The following DNHD1 variants were observed in gnomAD, a reference collection of about 807,000 sequenced individuals.
DNHD1 encodes dynein heavy chain domain 1.
In DNHD1, 383 loss-of-function variants were observed where a neutral mutation model predicts 458.1. That is an observed-to-expected ratio of 0.84 (90% CI 0.77 to 0.91). The LOEUF (loss-of-function observed/expected upper bound fraction) is 0.91, where lower values mean the gene tolerates loss of function less well. DNHD1 is among the 40% of genes least tolerant of loss of function. The pLI is 0.00. For synonymous variants in DNHD1, 2,203 were observed against 2,376.9 expected (o/e 0.93, Z 2.13); for missense variants, 5,336 against 5,866.1 (o/e 0.91, Z 2.95).
rs762495986 is a variant in DNHD1, at chr11:6,498,480, G to C, written c.265G>C (p.Gly89Arg). The change falls in exon 3 of 43, where the codon GGT (glycine) becomes CGT (arginine). Residue 89 changes from glycine (G) to arginine (R), a missense_variant. By Grantham distance (125) the Gly-to-Arg change is moderately radical (BLOSUM62 -2). Coordinates refer to ENST00000254579, the MANE Select transcript of DNHD1 (RefSeq NM_144666.3). ...AAWRYLHAVL[G>R]LLPPYRELLV... ...TTGGCGCTATCTTCATGCAGTACTGGGTCTACTGCCTCCATATCGTGAGTT... is the reference window on the plus strand; with the variant it reads ...TTGGCGCTATCTTCATGCAGTACTGCGTCTACTGCCTCCATATCGTGAGTT... 1 of 1,614,152 alleles carries C rather than the reference G, an allele frequency of 6.2e-7. No homozygotes were observed. Among genetic ancestry groups the C allele is most frequent in the South Asian group, 1.1e-5 (1 of 91,084 alleles).
At chr11:6,510,627 A>G (rs2134378122) in intron 6 of DNHD1, among the ~76,000 whole-genome samples, 1 of 152,224 alleles carries the variant, frequency 6.6e-6, no homozygotes, top group East Asian at 1.9e-4. Context: ...TGATCTTCAA[A>G]CTCGGATAAA....
chr11:6,533,732 G>C lies in DNHD1; in HGVS notation c.2557G>C (p.Val853Leu). ...YVELEERMEY[V>L]RALHELIRNH... is the part of the protein sequence containing the mutation. ...CGAGCTGGAGGAGCGAATGGAATAC[G>C]TACGGGCACTCCACGAACTCATCCG... Residue 853 changes from valine to leucine, a missense_variant, in exon 14 of 43, where the codon GTA becomes CTA. Coordinates refer to ENST00000254579, the MANE Select transcript of DNHD1 (RefSeq NM_144666.3). 6.4e-7 allele frequency: 1 copy of C among 1,551,502 alleles called. No homozygotes were observed. The highest frequency in any genetic ancestry group is 8.7e-7 in the Non-Finnish European group (1 of 1,146,938).
intron 39 of DNHD1, among the ~76,000 whole-genome samples, chr11:6,569,317 A>G (rs148362385): frequency 0.015 from 2,315 of 152,266 alleles, 71 homozygotes; most frequent in African/African-American, 0.053. Flanking sequence ...CCCCATCTGT[A>G]CTAAAAATAC....
At chr11:6,544,069 C>T (rs1449675527) in intron 18 of DNHD1, 52 bp from the exon 19 acceptor site, 4 of 1,547,656 alleles carry the variant, frequency 2.6e-6, no homozygotes, top group Admixed American at 2.0e-5. Context: ...TTCTCTCCCC[C>T]AGCCCCGGCC....
intron 24 of DNHD1, among the ~76,000 whole-genome samples, chr11:6,549,625 C>T (rs1853294309): frequency 6.6e-6 from 1 of 152,194 alleles, no homozygotes; most frequent in African/African-American, 2.4e-5. Context: ...GTAGCTTCTC[C>T]AGGAAGCCTG....
rs1463618874 is a variant in DNHD1, at chr11:6,539,251, C to T, written c.3358C>T (p.Leu1120Phe). 6.4e-7 allele frequency: 1 copy of T among 1,551,522 alleles called. No individual in the cohort carries two copies. Among genetic ancestry groups the T allele is most frequent in the African/African-American group, 1.4e-5 (1 of 73,042 alleles). The change falls in exon 17 of 43, where the codon CTC becomes TTC. Residue 1120 changes from leucine to phenylalanine, a missense_variant. Physicochemically the swap from Leu to Phe is conservative, Grantham distance 22. Coordinates refer to ENST00000254579, the MANE Select transcript of DNHD1 (RefSeq NM_144666.3). ...GCTGGGCAGTCTCCAAACTATAGAA[C>T]TCCTAACGCTGGGCCAGCTGCTTAC... is the stretch of plus-strand genomic sequence containing the variant. ...LGLGSLQTIE[L>F]LTLGQLLTYP... is the part of the protein sequence containing the mutation.
rs993971187 is a variant in DNHD1, at chr11:6,546,023, C to T, written c.5084C>T (p.Ala1695Val). 1.3e-6 allele frequency: 2 copies of T among 1,551,516 alleles called. No homozygotes were observed. The highest frequency in any genetic ancestry group is 1.4e-5 in the African/African-American group (1 of 73,184). ...VLGPNGVGKR[A>V]IVNSLAQALG... ...GGTCCTAATGGTGTGGGCAAGAGAG[C>T]TATAGTGAACAGCCTGGCACAGGCC... is the stretch of plus-strand genomic sequence containing the variant. Residue 1695 changes from alanine to valine, a missense_variant, in exon 21 of 43, where the codon GCT (alanine) becomes GTT (valine). This residue lies in a region of DNHD1 where 3,932 missense variants were observed against 4,365.6 expected (regional missense o/e 0.90). Transcript: ENST00000254579.
Position 6,498,312 on chromosome 11 carries a change from G to C in DNHD1, c.97G>C (p.Glu33Gln). The C allele has an allele frequency of 6.2e-7, 1 of 1,614,236 alleles. No individual in the cohort carries two copies. The highest frequency in any genetic ancestry group is 8.5e-7 in the Non-Finnish European group (1 of 1,180,042). The change falls in exon 3 of 43, where the codon GAA (glutamate) becomes CAA (glutamine). Residue 33 changes from glutamate (E) to glutamine (Q), a missense_variant. Coordinates refer to ENST00000254579, the MANE Select transcript of DNHD1 (RefSeq NM_144666.3). ...WHSICVLDSKEQPLACQQKQR... is the reference protein window; with the variant it reads ...WHSICVLDSKQQPLACQQKQR... ...CTCCATATGTGTCTTGGACAGCAAA[G>C]AACAGCCCTTGGCCTGCCAGCAGAA... is the stretch of plus-strand genomic sequence containing the variant.
At position 6,528,978 on chromosome 11, in the gene DNHD1, TGA is replaced by T. The variant is rs2134406820; in HGVS notation, c.2208_2209del (p.Gly737TrpfsTer37). 2 of 1,551,530 alleles carry T rather than the reference TGA, an allele frequency of 1.3e-6. No homozygotes were observed. The highest frequency in any genetic ancestry group is 1.7e-6 in the Non-Finnish European group (2 of 1,146,896). ...TGGGGGCCTCAGAAGCTGGAAGACATGAGAGGTGGTCCCATCAAGAACTACGT... is the reference window on the plus strand; with the variant it reads ...TGGGGGCCTCAGAAGCTGGAAGACATGAGGTGGTCCCATCAAGAACTACGT... On this transcript the variant is annotated frameshift_variant, in exon 12 of 43. Transcript: ENST00000254579. LOFTEE classifies it high-confidence loss of function.
At position 6,498,427 on chromosome 11, in the gene DNHD1, CT is replaced by C; in HGVS notation, c.213del (p.Val72CysfsTer27). On this transcript the variant is annotated frameshift_variant, in exon 3 of 43. Transcript: ENST00000254579. LOFTEE classifies it high-confidence loss of function. ...LLAELRTLFS[A>X]VLQDSSPAAW... The stretch of plus-strand genomic sequence containing the variant: ...GCTGAGCTCCGAACTCTGTTCTCAG[CT>C]GTGTTGCAGGACAGTAGCCCTGCAG... 1.9e-6 allele frequency: 3 copies of C among 1,614,222 alleles called. No homozygotes were observed. The highest frequency in any genetic ancestry group is 1.6e-4 in the Middle Eastern group (1 of 6,062).
Position 6,567,015 on chromosome 11 carries a change from T to C in DNHD1, c.11506T>C (p.Leu3836=). 1 of 1,613,668 alleles carries C rather than the reference T, an allele frequency of 6.2e-7. No homozygotes were observed. Among genetic ancestry groups the C allele is most frequent in the Non-Finnish European group, 8.5e-7 (1 of 1,179,810 alleles). The change falls in exon 36 of 43, where the codon TTA becomes CTA. Residue 3836 remains leucine (L), a synonymous_variant. Transcript: ENST00000254579. ...CCAGCTGCGTGCTCATTGTGAAGAG[T>C]TAGAAGGGCAGAAACTACAGGAGAT... The part of the protein sequence containing the change: ...LCQLRAHCEE[L]EGQKLQEMVL...
At chr11:6,513,578 T>C (rs1852390554) in intron 7 of DNHD1, among the ~76,000 whole-genome samples, 2 of 152,260 alleles carry the variant, frequency 1.3e-5, no homozygotes, top group Admixed American at 6.5e-5. Context: ...AGTATTTCAC[T>C]GTATGAATGA....
At chr11:6,539,763 T>C (rs2134420880) in intron 17 of DNHD1, 113 bp from the exon 18 acceptor site, 1 of 975,674 alleles carries the variant, frequency 1.0e-6, no homozygotes, top group Non-Finnish European at 1.6e-6. Context: ...GACCTCCACT[T>C]TCCTGAGCCC....
intron 7 of DNHD1, among the ~76,000 whole-genome samples, chr11:6,513,629 G>A (rs1332250812): frequency 1.3e-5 from 2 of 152,194 alleles, no homozygotes; most frequent in Non-Finnish European, 1.5e-5. Flanking sequence ...GGACATTTGG[G>A]TTGGTTCCAG....
At chr11:6,566,051 A>G (rs779467133) in intron 33 of DNHD1, 60 bp downstream of exon 33, 3 of 1,270,882 alleles carry the variant, frequency 2.4e-6, no homozygotes, top group East Asian at 4.8e-5. Flanking sequence ...CTGTGACCCC[A>G]CAGGCCTCCC....
intron 6 of DNHD1, among the ~76,000 whole-genome samples, chr11:6,509,677 G>A (rs191245915): frequency 3.9e-5 from 6 of 152,200 alleles, no homozygotes; most frequent in Non-Finnish European, 8.8e-5. Flanking sequence ...CAAACTCTGT[G>A]TTCTTTCCAA....
chr11:6,566,590 T>C lies in DNHD1; in HGVS notation c.11210T>C (p.Leu3737Pro). The change falls in exon 35 of 43, where the codon CTA becomes CCA. Residue 3737 changes from leucine (L) to proline (P), a missense_variant. Coordinates refer to ENST00000254579, the MANE Select transcript of DNHD1 (RefSeq NM_144666.3). ...TLSLCAMEKV[L>P]GCELLKGLNV... ...GCATCTCCCATGTTACCCCAAGTGC[T>C]AGGTTGTGAACTGCTAAAGGGGCTG... The C allele has an allele frequency of 6.2e-7, 1 of 1,613,674 alleles. No homozygotes were observed. The highest frequency in any genetic ancestry group is 8.5e-7 in the Non-Finnish European group (1 of 1,179,796).
At chr11:6,513,126 C>T (rs1852380649) in intron 7 of DNHD1, among the ~76,000 whole-genome samples, 1 of 152,092 alleles carries the variant, frequency 6.6e-6, no homozygotes. Flanking sequence ...TGAGCTGCTC[C>T]ACAGCCTTTC....
At position 6,545,716 on chromosome 11, in the gene DNHD1, G is replaced by A; in HGVS notation, c.4777G>A (p.Val1593Ile). 6.4e-7 allele frequency: 1 copy of A among 1,551,712 alleles called. No individual in the cohort carries two copies. The highest frequency in any genetic ancestry group is 8.7e-7 in the Non-Finnish European group (1 of 1,147,008). Residue 1593 changes from valine (V) to isoleucine (I), a missense_variant, in exon 21 of 43, where the codon GTC (valine) becomes ATC (isoleucine). This residue lies in a region of DNHD1 where 3,932 missense variants were observed against 4,365.6 expected (regional missense o/e 0.90). Coordinates refer to ENST00000254579, the MANE Select transcript of DNHD1 (RefSeq NM_144666.3). This position sits in a 1 kb window ranked among gnomAD's most constrained non-coding sequence, Gnocchi z 4.9. ...DIAQLLEQHQ[V>I]SDLTDFHWVR... is the part of the protein sequence containing the mutation. Reference sequence around the variant, plus strand: ...AGCACAGCTGCTGGAACAGCACCAGGTCAGTGATCTCACAGACTTTCACTG... The same window carrying A: ...AGCACAGCTGCTGGAACAGCACCAGATCAGTGATCTCACAGACTTTCACTG...
Sources: allele counts gnomAD v4.1 joint callset (sites outside exome capture counted in the v4.1 genomes callset), GRCh38; gene constraint gnomAD v4.1.1; regional missense constraint gnomAD v4.1.1; non-coding constraint Gnocchi (gnomAD v3.1); transcripts MANE v1.5; gene names NCBI Gene and HGNC (gene_info 2026-07-23, HGNC 2026-07-21).